Variants in ZFP41 observed in about 807,000 individuals in gnomAD.
ZFP41 encodes ZFP41 zinc finger protein, also known as zinc finger protein 41 homolog.
In ZFP41, 10 loss-of-function variants were observed where a neutral mutation model predicts 11.6. That is an observed-to-expected ratio of 0.86 (90% CI 0.53 to 1.47). The LOEUF is 1.47. Ranked by LOEUF, ZFP41 falls within the 40% of genes most tolerant of loss-of-function variation. The pLI, the probability that ZFP41 is intolerant of heterozygous loss-of-function variation, is 0.00. For missense variants in ZFP41, 302 were observed against 264.6 expected (o/e 1.14, Z -0.98); for synonymous variants, 123 against 100.9 (o/e 1.22, Z -1.31).
At chr8:143,255,829 C>T (rs1195319579) in intron 2 of ZFP41, among the ~76,000 whole-genome samples, 1 of 118,874 alleles carries the variant, frequency 8.4e-6, no homozygotes, top group Non-Finnish European at 1.7e-5. Flanking sequence ...GATCAGGGCT[C>T]GCCCCGCGTG....
At chr8:143,248,703 C>G (rs1050383589) in intron 1 of ZFP41, among the ~76,000 whole-genome samples, 1 of 152,114 alleles carries the variant, frequency 6.6e-6, no homozygotes, top group Non-Finnish European at 1.5e-5. Context: ...CCCTGCCCAC[C>G]CCAGCAGAGA....
At chr8:143,251,615 C>G (rs768361879) in intron 2 of ZFP41, among the ~76,000 whole-genome samples, 1 of 152,236 alleles carries the variant, frequency 6.6e-6, no homozygotes, top group Admixed American at 6.5e-5. Context: ...AGGAGGGTCC[C>G]GATTCGAGCT....
At chr8:143,252,330 G>A (rs920970350) in intron 2 of ZFP41, among the ~76,000 whole-genome samples, 3 of 152,254 alleles carry the variant, frequency 2.0e-5, no homozygotes, top group Admixed American at 6.5e-5. Context: ...GGCTGGCTGC[G>A]GACCCAGGCA....
Position 143,250,386 on chromosome 8 carries a change from C to T in ZFP41, c.543C>T (p.Ala181=), listed in dbSNP as rs1340019538. Residue 181 remains alanine, a synonymous_variant, in exon 2 of 3, where the codon GCC becomes GCT. Transcript: ENST00000330701. ...GCACGCACTGTGGGAAAGCCTTTGC[C>T]TACAGCTCCTGTCTCATCCGCCATC... ...YECTHCGKAF[A]YSSCLIRHQK... The T allele has an allele frequency of 1.2e-6, 2 of 1,613,918 alleles. No individual in the cohort carries two copies. Among genetic ancestry groups the T allele is most frequent in the East Asian group, 2.2e-5 (1 of 44,880 alleles).
Position 143,261,766 on chromosome 8 carries a change from G to A in ZFP41, c.*2892G>A, listed in dbSNP as rs1360178574. On this transcript the variant is annotated 3_prime_UTR_variant, in exon 3 of 3. Coordinates refer to ENST00000330701, the MANE Select transcript of ZFP41 (RefSeq NM_173832.6). The stretch of plus-strand genomic sequence containing the variant: ...GAGCCGGCAGCCCCTACCCGCACCC[G>A]TGCACCTTCCACGCCCGTCTCCAGC... 2.1e-5 allele frequency: 4 copies of A among 188,442 alleles called. No homozygotes were observed. The highest frequency in any genetic ancestry group is 1.4e-4 in the South Asian group (2 of 13,948). The allele number at this position is 188,442 out of a possible 1,614,324, so 11.7% of individuals were successfully genotyped here.
At position 143,250,517 on chromosome 8, in the gene ZFP41, G is replaced by T. The variant is rs920489672; in HGVS notation, c.*77G>T. 6.5e-7 allele frequency: 1 copy of T among 1,548,544 alleles called. No individual in the cohort carries two copies. The highest frequency in any genetic ancestry group is 8.7e-7 in the Non-Finnish European group (1 of 1,147,912). On this transcript the variant is annotated 3_prime_UTR_variant, in exon 2 of 3. Coordinates refer to ENST00000330701, the MANE Select transcript of ZFP41 (RefSeq NM_173832.6). The stretch of plus-strand genomic sequence containing the variant: ...CTGCTCCGTGGCTCCCTCGTGTCCC[G>T]CGTCTGATGGGGGCGCAGGGCCGTG...
In ZFP41 at chr8:143,262,126, C is replaced by T. The variant is rs1371573312; in HGVS notation, c.*3252C>T. ...GGCAGCCCCTGCCCACACCCGCACC[C>T]CTGCACCTCCCACGCCCGTCTTGCC... On this transcript the variant is annotated 3_prime_UTR_variant, in exon 3 of 3. Transcript: ENST00000330701. The T allele has an allele frequency of 2.8e-5, 5 of 179,538 alleles. No homozygotes were observed. Among genetic ancestry groups the T allele is most frequent in the African/African-American group, 9.6e-5 (4 of 41,558 alleles). The allele number at this position is 179,538 out of a possible 1,614,324, so 11.1% of individuals were successfully genotyped here.
At chr8:143,257,822 A>G (rs780587445) in intron 2 of ZFP41, among the ~76,000 whole-genome samples, 3 of 152,356 alleles carry the variant, frequency 2.0e-5, no homozygotes, top group East Asian at 3.9e-4. Context: ...ATCCATCGCC[A>G]TGACAGAGAT....
At chr8:143,254,057 C>T (rs1224200884) in intron 2 of ZFP41, among the ~76,000 whole-genome samples, 1 of 152,204 alleles carries the variant, frequency 6.6e-6, no homozygotes, top group African/African-American at 2.4e-5. Context: ...GGAGCTTAGG[C>T]GGTAACGCTC....
At chr8:143,253,775 C>T (rs117053320) in intron 2 of ZFP41, among the ~76,000 whole-genome samples, 4,421 of 152,196 alleles carry the variant, frequency 0.029, 122 homozygotes, top group Non-Finnish European at 0.038. Context: ...GCTTGGTGCC[C>T]TCCTCACAGT....
intron 1 of ZFP41, chr8:143,248,524 G>A (rs1425255994): frequency 6.6e-6 from 1 of 152,332 alleles, no homozygotes; most frequent in Non-Finnish European, 1.5e-5. Flanking sequence ...ATGCCCTGGA[G>A]AGCTGCCGTT....
Position 143,249,925 on chromosome 8 carries a change from G to A in ZFP41, c.82G>A (p.Glu28Lys), listed in dbSNP as rs770138305. ...CGTGCAGAAGAGTGCGCTCAGAGAGGAGAAGGTGTCCGGGGACAGAAAGCC... is the reference window on the plus strand; with the variant it reads ...CGTGCAGAAGAGTGCGCTCAGAGAGAAGAAGGTGTCCGGGGACAGAAAGCC... ...ADVQKSALRE[E>K]KVSGDRKPPE... The change falls in exon 2 of 3, where the codon GAG (glutamate) becomes AAG (lysine). Residue 28 changes from glutamate (E) to lysine (K), a missense_variant. By Grantham distance (56) the Glu-to-Lys change is moderately conservative (BLOSUM62 1). Coordinates refer to ENST00000330701, the MANE Select transcript of ZFP41 (RefSeq NM_173832.6). 1.2e-6 allele frequency: 2 copies of A among 1,613,928 alleles called. No individual in the cohort carries two copies. The highest frequency in any genetic ancestry group is 1.1e-5 in the South Asian group (1 of 91,078).
At chr8:143,252,351 T>C (rs936906204) in intron 2 of ZFP41, among the ~76,000 whole-genome samples, 1 of 152,210 alleles carries the variant, frequency 6.6e-6, no homozygotes, top group Non-Finnish European at 1.5e-5. Context: ...GGCTGGTCCA[T>C]GCGGAAGGCC....
In ZFP41 at chr8:143,261,105, CAG is replaced by C. The variant is rs766022708; in HGVS notation, c.*2232_*2233del. 6 of 152,304 alleles carry C rather than the reference CAG, an allele frequency of 3.9e-5. No homozygotes were observed. Among genetic ancestry groups the C allele is most frequent in the African/African-American group, 9.7e-5 (4 of 41,438 alleles). The allele number at this position is 152,304 out of a possible 1,614,324, so 9.4% of individuals were successfully genotyped here. A position where few individuals can be genotyped will look rare whatever the true frequency, so the allele number is the denominator to read the frequency against. On this transcript the variant is annotated 3_prime_UTR_variant, in exon 3 of 3. Coordinates refer to ENST00000330701, the MANE Select transcript of ZFP41 (RefSeq NM_173832.6). ...CTGGGCCTCTGTTTCCTCTTCGACA[CAG>C]GGAAGCAGGGAGGGGCCGATCAGCG...
Position 143,250,226 on chromosome 8 carries a change from C to T in ZFP41, c.383C>T (p.Ser128Phe), listed in dbSNP as rs1177587012. 1 of 1,614,078 alleles carries T rather than the reference C, an allele frequency of 6.2e-7. No individual in the cohort carries two copies. ...AQCGKAFRHSSDVTKHQRTHT... is the reference protein window; with the variant it reads ...AQCGKAFRHSFDVTKHQRTHT... ...TGCGGGAAGGCCTTCCGGCACAGCT[C>T]TGACGTCACCAAACACCAGAGGACT... The change falls in exon 2 of 3, where the codon TCT (serine) becomes TTT (phenylalanine). Residue 128 changes from serine to phenylalanine, a missense_variant. Physicochemically the swap from Ser to Phe is radical, Grantham distance 155. Transcript: ENST00000330701.
At chr8:143,251,480 G>A (rs1370725214) in intron 2 of ZFP41, 140 bp downstream of exon 2, 1 of 152,330 alleles carries the variant, frequency 6.6e-6, no homozygotes, top group Admixed American at 6.5e-5. Context: ...TTATAAGAGG[G>A]TAGCAAATGA....
chr8:143,253,673 CCCTCCAGAT>C (rs1814835620), intron 2 of ZFP41: 1 of 152,224 alleles, frequency 6.6e-6, no homozygotes, highest in African/African-American at 2.4e-5. Context: ...GACGTCTGTC[CCCTCCAGAT>C]CTTATGTGGA....
Position 143,250,468 on chromosome 8 carries a change from T to C in ZFP41, c.*28T>C, listed in dbSNP as rs200994262. On this transcript the variant is annotated 3_prime_UTR_variant, in exon 2 of 3. Transcript: ENST00000330701. ...CGGGGCCATCTGCGGACTCGGGCCC[T>C]GCGGTGCGAGCCTCGCCGGACACCT... is the stretch of plus-strand genomic sequence containing the variant. 1.9e-6 allele frequency: 3 copies of C among 1,596,220 alleles called. No individual in the cohort carries two copies. The highest frequency in any genetic ancestry group is 2.7e-5 in the African/African-American group (2 of 74,470).
At chr8:143,258,874 G>A (rs940715474) in intron 2 of ZFP41, among the ~76,000 whole-genome samples, 2 of 152,224 alleles carry the variant, frequency 1.3e-5, no homozygotes, top group African/African-American at 4.8e-5. Context: ...GTCGGATTCG[G>A]ATCCTTGCAT....
Sources: gnomAD v4.1 joint callset for allele counts (sites outside exome capture counted in the v4.1 genomes callset) on GRCh38, gnomAD v4.1.1 for gene constraint, MANE v1.5 for transcripts, NCBI Gene and HGNC (gene_info 2026-07-23, HGNC 2026-07-21) for gene names.